Variants in VAPA observed in about 807,000 individuals in gnomAD.
VAPA encodes VAMP associated protein A.
In VAPA, 6 loss-of-function variants were observed where a neutral mutation model predicts 25.6. The ratio of observed to expected loss-of-function variants is 0.23; its 90% confidence interval spans 0.13 to 0.46. The LOEUF is 0.46. VAPA is among the 20% of genes least tolerant of loss of function. The pLI is 0.99. For synonymous variants in VAPA, 112 were observed against 106.2 expected, an observed-to-expected ratio of 1.05 and a Z score of -0.34; for missense variants, 244 against 302.1, an observed-to-expected ratio of 0.81 and a Z score of 1.43.
chr18:9,936,033 T>TGTAACTGTTTCAATGTATGTCTTAGTA (rs2069306499), intron 2 of VAPA, 77 bp from the exon 3 acceptor site: 10 of 1,026,746 alleles, frequency 9.7e-6, no homozygotes, highest in Non-Finnish European at 1.4e-5. Context: ...TTAGTATAAT[T>TGTAACTGTTTCAATGTATGTCTTAGTA]TAATCTGTAA....
In VAPA at chr18:9,957,074, C is replaced by T. The variant is rs549136033; in HGVS notation, c.*2863C>T. ...TGAGACAGAGTCTTGCTTTGTTGCC[C>T]AGGCTGGAGGGCAGTGGTGTGATCT... On this transcript the variant is annotated 3_prime_UTR_variant, in exon 6 of 6. Coordinates refer to ENST00000400000, the MANE Select transcript of VAPA (RefSeq NM_194434.3). 14 of 151,926 alleles carry T rather than the reference C, an allele frequency of 9.2e-5. No homozygotes were observed. The highest frequency in any genetic ancestry group is 3.4e-4 in the African/African-American group (14 of 41,410). The allele number at this position is 151,926 out of a possible 1,614,324, so 9.4% of individuals were successfully genotyped here. A position where few individuals can be genotyped will look rare whatever the true frequency, so the allele number is the denominator to read the frequency against.
intron 1 of VAPA, among the ~76,000 whole-genome samples, chr18:9,918,492 CT>C (rs1172447401): frequency 4.6e-5 from 7 of 152,188 alleles, no homozygotes; most frequent in Admixed American, 4.6e-4. Context: ...TGACCTCCCC[CT>C]GGCTCTTGAC....
chr18:9,943,764 T>C (rs2069389199), intron 4 of VAPA, among the ~76,000 whole-genome samples: 1 of 151,596 alleles, frequency 6.6e-6, no homozygotes, highest in South Asian at 2.1e-4. Flanking sequence ...GCCTTAACTC[T>C]GACATTTTCT....
rs60177068 is a variant in VAPA, at chr18:9,917,250, A to G, written c.79+2915A>G. On this transcript the variant is annotated intron_variant, in intron 1 of 5. Coordinates refer to ENST00000400000, the MANE Select transcript of VAPA (RefSeq NM_194434.3). ...GTCTTTAAAATTTTTTACATGATAA[A>G]ATTCCATTTATAATGTATTACACAT... is the stretch of plus-strand genomic sequence containing the variant. 4.1e-3 allele frequency among the ~76,000 whole-genome samples: 629 copies of G among 152,318 alleles called. 13 individuals carry two copies. Among genetic ancestry groups the G allele is most frequent in the East Asian group, 3.9e-3 (20 of 5,188 alleles).
chr18:9,940,746 G>A (rs1380507394), intron 4 of VAPA, among the ~76,000 whole-genome samples: 2 of 152,068 alleles, frequency 1.3e-5, no homozygotes, highest in East Asian at 1.9e-4. Context: ...TGGCTCACTG[G>A]CCTCGTCATT....
intron 1 of VAPA, among the ~76,000 whole-genome samples, chr18:9,915,476 G>A (rs1203913717): frequency 1.3e-5 from 2 of 152,194 alleles, no homozygotes; most frequent in Non-Finnish European, 2.9e-5. Context: ...TACTGAAAGA[G>A]TGTGAACATC....
chr18:9,942,503 A>G (rs1157952541), intron 4 of VAPA, among the ~76,000 whole-genome samples: 1 of 152,150 alleles, frequency 6.6e-6, no homozygotes, highest in African/African-American at 2.4e-5. Flanking sequence ...TGCAGAAAGA[A>G]GTACGCTGGT....
intron 5 of VAPA, among the ~76,000 whole-genome samples, chr18:9,952,470 G>A (rs980901332): frequency 6.6e-6 from 1 of 151,748 alleles, no homozygotes; most frequent in African/African-American, 2.4e-5. Context: ...GGGAGGCTGA[G>A]GCAGGAGAAT....
rs527535913 is a variant in VAPA at position 9,946,180 on chromosome 18, A to G, written c.418-4215A>G. ...AAAGAATACAGAAGTACAGTCATGCATCTGTTAAGGATGGGGATATATATT... is the reference window on the plus strand; with the variant it reads ...AAAGAATACAGAAGTACAGTCATGCGTCTGTTAAGGATGGGGATATATATT... On this transcript the variant is annotated intron_variant, in intron 4 of 5. Coordinates refer to ENST00000400000, the MANE Select transcript of VAPA (RefSeq NM_194434.3). Among the ~76,000 whole-genome samples, 9 of 152,358 alleles carry G rather than the reference A, an allele frequency of 5.9e-5. No homozygotes were observed. In the East Asian group the frequency reaches 1.2e-3, roughly 20 times the overall value.
At chr18:9,942,806 G>A (rs2069379518) in intron 4 of VAPA, among the ~76,000 whole-genome samples, 1 of 152,112 alleles carries the variant, frequency 6.6e-6, no homozygotes, top group African/African-American at 2.4e-5. Context: ...CAGTGTCATG[G>A]GGATGGTGCT....
rs1438085480 is a variant in VAPA at position 9,927,018 on chromosome 18, A to G, written c.80-4792A>G. 2.6e-5 allele frequency among the ~76,000 whole-genome samples: 4 copies of G among 152,220 alleles called. No homozygotes were observed. The East Asian group carries it at 7.7e-4, about 29-fold the overall frequency. ...TGTTTATTCTTAAGTTACATTTTAG[A>G]AGTGTTTTCTGTTTTCTGAAATGCT... On this transcript the variant is annotated intron_variant, in intron 1 of 5. Transcript: ENST00000400000.
At chr18:9,947,717 T>G (rs1416079246) in intron 4 of VAPA, 1 of 152,184 alleles carries the variant, frequency 6.6e-6, no homozygotes, top group Non-Finnish European at 1.5e-5. Context: ...TGGACCAGTT[T>G]GAAGCAACTC....
At chr18:9,915,891 G>C (rs1014693837) in intron 1 of VAPA, 1 of 152,170 alleles carries the variant, frequency 6.6e-6, no homozygotes, top group East Asian at 1.9e-4. Flanking sequence ...TGATTTTTAC[G>C]TAGTTGTAGC....
chr18:9,944,789 C>G, intron 4 of VAPA: 1 of 1,103,166 alleles, frequency 9.1e-7, no homozygotes, highest in South Asian at 2.0e-5. Context: ...AGTATTGTTT[C>G]TTATGCATTA....
intron 1 of VAPA, chr18:9,914,644 G>C (rs907894908): frequency 1.3e-5 from 2 of 150,546 alleles, no homozygotes; most frequent in African/African-American, 4.8e-5. Flanking sequence ...GGCGCCTCCT[G>C]GGCGTCCGGT....
Position 9,957,541 on chromosome 18 carries a change from C to G in VAPA, c.*3330C>G, listed in dbSNP as rs2143465683. ...AGTTTTCTTAGAGCTTTGCACATTC[C>G]TATTCACTGAGATTTTAAAAATTTC... On this transcript the variant is annotated 3_prime_UTR_variant, in exon 6 of 6. Transcript: ENST00000400000. 6.6e-6 allele frequency: 1 copy of G among 152,252 alleles called. No individual in the cohort carries two copies. The highest frequency in any genetic ancestry group is 2.1e-4 in the South Asian group (1 of 4,824). 9.4% of individuals were successfully genotyped at this position (152,252 alleles called of 1,614,324 possible). A position where few individuals can be genotyped will look rare whatever the true frequency, so the allele number is the denominator to read the frequency against.
rs545459412 is a variant in VAPA at position 9,956,135 on chromosome 18, C to G, written c.*1924C>G. 4 of 152,196 alleles carry G rather than the reference C, an allele frequency of 2.6e-5. No individual in the cohort carries two copies. The highest frequency in any genetic ancestry group is 9.6e-5 in the African/African-American group (4 of 41,522). 9.4% of individuals were successfully genotyped at this position (152,196 alleles called of 1,614,324 possible). A position where few individuals can be genotyped will look rare whatever the true frequency, so the allele number is the denominator to read the frequency against. ...CTTTAGAATTCATTTTGTTCAGCCCCTTTGTTCTATGGTTGAGAAATCTGA... is the reference window on the plus strand; with the variant it reads ...CTTTAGAATTCATTTTGTTCAGCCCGTTTGTTCTATGGTTGAGAAATCTGA... On this transcript the variant is annotated 3_prime_UTR_variant, in exon 6 of 6. Transcript: ENST00000400000.
chr18:9,936,919 G>A (rs1373852758), intron 3 of VAPA, 67 bp from the exon 4 acceptor site: 10 of 1,405,858 alleles, frequency 7.1e-6, no homozygotes, highest in African/African-American at 1.4e-5. Flanking sequence ...TAGCTGTCCC[G>A]TGAGGTGAAA....
In VAPA at chr18:9,917,584, A is replaced by AT. The variant is rs879574957; in HGVS notation, c.79+3251dup. ...GCGTGAGCCACCGCACCTGACCCCTATTAGCAGTTTTGTAGAAAAGTTTGA... is the reference window on the plus strand; with the variant it reads ...GCGTGAGCCACCGCACCTGACCCCTATTTAGCAGTTTTGTAGAAAAGTTTGA... On this transcript the variant is annotated intron_variant, in intron 1 of 5. Coordinates refer to ENST00000400000, the MANE Select transcript of VAPA (RefSeq NM_194434.3). Among the ~76,000 whole-genome samples, 290 of 152,218 alleles carry AT rather than the reference A, an allele frequency of 1.9e-3. 2 individuals carry two copies. Among genetic ancestry groups the AT allele is most frequent in the Non-Finnish European group, 2.3e-3 (159 of 68,032 alleles).
Sources: allele counts gnomAD v4.1 joint callset (sites outside exome capture counted in the v4.1 genomes callset), GRCh38; gene constraint gnomAD v4.1.1; transcripts MANE v1.5; gene names NCBI Gene and HGNC (gene_info 2026-07-23, HGNC 2026-07-21).